The following BCAS3 variants were observed in gnomAD, a reference collection of about 807,000 sequenced individuals.
BCAS3 encodes the protein BCAS4/BCAS3 fusion.
BCAS3 carries 53 observed loss-of-function variants against 116.1 expected under a neutral mutation model. That is an observed-to-expected ratio of 0.46 (90% CI 0.37 to 0.57). The LOEUF (loss-of-function observed/expected upper bound fraction) is 0.57, where lower values mean the gene tolerates loss of function less well. Ranked by LOEUF, BCAS3 falls within the 20% of genes least tolerant of loss-of-function variation. The pLI is 0.00. For synonymous variants in BCAS3, 391 were observed against 408.2 expected (o/e 0.96, Z 0.51); for missense variants, 917 against 1,165.4 (o/e 0.79, Z 3.10).
At position 61,327,356 on chromosome 17, in the gene BCAS3, G is replaced by C. The variant is rs1296371589; in HGVS notation, c.2426-40971G>C. ...ACAAACGTTTAAAAAATCAATTTTAGAGGCAATTGGACTACAGAGTCAAGG... is the reference window on the plus strand; with the variant it reads ...ACAAACGTTTAAAAAATCAATTTTACAGGCAATTGGACTACAGAGTCAAGG... On this transcript the variant is annotated intron_variant, in intron 22 of 23. Transcript: ENST00000407086. This position sits in a 1 kb window ranked among gnomAD's most constrained non-coding sequence, Gnocchi z 5.9. Among the ~76,000 whole-genome samples the C allele has an allele frequency of 1.3e-5, 2 of 152,108 alleles. No individual in the cohort carries two copies. The highest frequency in any genetic ancestry group is 2.9e-5 in the Non-Finnish European group (2 of 68,022).
chr17:60,725,941 C>G (rs2039789233), intron 5 of BCAS3, among the ~76,000 whole-genome samples: 1 of 151,928 alleles, frequency 6.6e-6, no homozygotes, highest in African/African-American at 2.4e-5. Flanking sequence ...TGTTGCCCAG[C>G]CTGGAGTGCA....
At position 61,104,374 on chromosome 17, in the gene BCAS3, A is replaced by G. The variant is rs537305898; in HGVS notation, c.2425+19810A>G. Among the ~76,000 whole-genome samples the G allele has an allele frequency of 3.9e-5, 6 of 152,326 alleles. No individual in the cohort carries two copies. The East Asian group carries it at 1.2e-3, about 29-fold the overall frequency. On this transcript the variant is annotated intron_variant, in intron 22 of 23. Transcript: ENST00000407086. The surrounding 1 kb of genome is among the most constrained non-coding windows in gnomAD (Gnocchi z 4.1). ...TTTTCATATAACTTTTTCATCTTGT[A>G]TAACTGAATAAAGAAAATTTTTTAT... is the stretch of plus-strand genomic sequence containing the variant.
intron 13 of BCAS3, among the ~76,000 whole-genome samples, chr17:60,936,186 A>G (rs1567909292): frequency 2.0e-5 from 3 of 151,182 alleles, no homozygotes; most frequent in Admixed American, 6.6e-5. Flanking sequence ...AAGGACATGA[A>G]CTCATCCTTT....
chr17:61,238,052 T>C (rs2083201105), intron 22 of BCAS3, among the ~76,000 whole-genome samples: 1 of 152,078 alleles, frequency 6.6e-6, no homozygotes, highest in African/African-American at 2.4e-5. Context: ...AAGAGTTTTG[T>C]TTTTGTTTTT....
At position 61,391,893 on chromosome 17, in the gene BCAS3, C is replaced by T. The variant is rs2143699205; in HGVS notation, c.2594-84C>T. The T allele has an allele frequency of 6.7e-7, 1 of 1,484,940 alleles. No individual in the cohort carries two copies. The highest frequency in any genetic ancestry group is 2.3e-5 in the East Asian group (1 of 43,502). 92.0% of individuals were successfully genotyped at this position (1,484,940 alleles called of 1,614,324 possible). ...CACAAGTGAACCCAGAATGGTGCCT[C>T]AAGGCAGGCAGCCTGGCCCAGATGG... On this transcript the variant is annotated intron_variant, in intron 23 of 23. Coordinates refer to ENST00000407086, the MANE Select transcript of BCAS3 (RefSeq NM_017679.5). The surrounding 1 kb of genome is among the most constrained non-coding windows in gnomAD (Gnocchi z 7.7).
At chr17:60,902,869 C>T (rs2057986676) in intron 11 of BCAS3, among the ~76,000 whole-genome samples, 166 bp downstream of exon 11, 1 of 152,116 alleles carries the variant, frequency 6.6e-6, no homozygotes, top group Non-Finnish European at 1.5e-5. Context: ...TAATTAATAC[C>T]ACATTTGGAA....
At position 61,368,445 on chromosome 17, in the gene BCAS3, C is replaced by T. The variant is rs564865113; in HGVS notation, c.2544C>T (p.Ala848=). 46 of 1,612,194 alleles carry T rather than the reference C, an allele frequency of 2.9e-5. No homozygotes were observed. The highest frequency in any genetic ancestry group is 3.3e-4 in the Middle Eastern group (2 of 6,054). The change falls in exon 23 of 24, where the codon GCC becomes GCT. Residue 848 remains alanine, a synonymous_variant. Transcript: ENST00000407086. The surrounding 1 kb of genome is among the most constrained non-coding windows in gnomAD (Gnocchi z 6.0). Reference sequence around the variant, plus strand: ...AGGAGGGCCTCCGGGAGCGACTTGCCGACGCCATGGCCGAGTCACCTAGCC... The same window carrying T: ...AGGAGGGCCTCCGGGAGCGACTTGCTGACGCCATGGCCGAGTCACCTAGCC... ...HTEEGLRERL[A]DAMAESPSRD... is the part of the protein sequence containing the mutation.
chr17:61,115,234 A>G (rs1271066374), intron 22 of BCAS3, among the ~76,000 whole-genome samples: 1 of 152,238 alleles, frequency 6.6e-6, no homozygotes, highest in Non-Finnish European at 1.5e-5. Flanking sequence ...GACAAAATTG[A>G]CAAATGGAAT....
At chr17:60,936,375 G>A (rs190870295) in intron 13 of BCAS3, among the ~76,000 whole-genome samples, 45 of 152,092 alleles carry the variant, frequency 3.0e-4, no homozygotes, top group Admixed American at 2.1e-3. Flanking sequence ...TATATACCTA[G>A]TAATGGGATT....
chr17:61,375,218 TTGTGTGTGTGTGTGTGTG>T (rs59961930), intron 23 of BCAS3, among the ~76,000 whole-genome samples: 7 of 142,680 alleles, frequency 4.9e-5, no homozygotes, highest in Admixed American at 1.4e-4. Flanking sequence ...AAAGCACTAT[TTGTGTGTGTGTGTGTGTG>T]TGTGTGTGTG....
At chr17:60,734,295 A>G (rs2040754170) in intron 5 of BCAS3, among the ~76,000 whole-genome samples, 1 of 152,038 alleles carries the variant, frequency 6.6e-6, no homozygotes, top group South Asian at 2.1e-4. Context: ...ACACCCAGTT[A>G]ATTTTTAGAT....
intron 22 of BCAS3, among the ~76,000 whole-genome samples, chr17:61,271,000 G>A (rs1602320952): frequency 6.6e-6 from 1 of 151,502 alleles, no homozygotes; most frequent in African/African-American, 2.4e-5. Context: ...CTCGTGATCC[G>A]CCTGCCTCAG....
In BCAS3 at chr17:61,065,243, T is replaced by A. The variant is rs1452850256; in HGVS notation, c.2030-9677T>A. 6.6e-6 allele frequency among the ~76,000 whole-genome samples: 1 copy of A among 152,222 alleles called. No individual in the cohort carries two copies. The highest frequency in any genetic ancestry group is 1.5e-5 in the Non-Finnish European group (1 of 68,028). The stretch of plus-strand genomic sequence containing the variant: ...TTGCTTGTTCATTGGGAACTGCCTT[T>A]GTTCATTTTGCTTTTGGATTATTTG... On this transcript the variant is annotated intron_variant, in intron 19 of 23. Transcript: ENST00000407086. This position sits in a 1 kb window ranked among gnomAD's most constrained non-coding sequence, Gnocchi z 4.8.
chr17:61,039,254 A>G (rs1223081437), intron 18 of BCAS3, among the ~76,000 whole-genome samples: 1 of 152,176 alleles, frequency 6.6e-6, no homozygotes, highest in African/African-American at 2.4e-5. Flanking sequence ...AGATCTATCC[A>G]TGTTGTAGCG....
intron 6 of BCAS3, among the ~76,000 whole-genome samples, chr17:60,767,670 T>C (rs9906672): frequency 0.26 from 39,929 of 151,884 alleles, 11,059 homozygotes; most frequent in African/African-American, 0.71. Flanking sequence ...TATTGGACTC[T>C]GTTGCTGGAA....
chr17:60,983,204 C>A (rs1467728473), intron 14 of BCAS3, among the ~76,000 whole-genome samples: 1 of 152,000 alleles, frequency 6.6e-6, no homozygotes, highest in East Asian at 1.9e-4. Context: ...ATCAGTAATG[C>A]GACTCGACTC....
chr17:61,301,784 G>A (rs2053464252), intron 22 of BCAS3, among the ~76,000 whole-genome samples: 1 of 151,944 alleles, frequency 6.6e-6, no homozygotes, highest in Admixed American at 6.6e-5. Flanking sequence ...CAAATTCATG[G>A]ACCACCTGAA....
Position 61,056,114 on chromosome 17 carries a change from C to T in BCAS3, c.2029+15222C>T, listed in dbSNP as rs536493633. On this transcript the variant is annotated intron_variant, in intron 19 of 23. Coordinates refer to ENST00000407086, the MANE Select transcript of BCAS3 (RefSeq NM_017679.5). The surrounding 1 kb of genome is among the most constrained non-coding windows in gnomAD (Gnocchi z 4.9). ...TTTCTTTCGTGGTATAAATGTGGAC[C>T]ACCTGCCAGAAAGCTTTGCGTATGT... is the stretch of plus-strand genomic sequence containing the variant. Among the ~76,000 whole-genome samples, 8 of 152,260 alleles carry T rather than the reference C, an allele frequency of 5.3e-5. No individual in the cohort carries two copies. The highest frequency in any genetic ancestry group is 1.0e-4 in the Non-Finnish European group (7 of 68,018).
At chr17:60,849,572 A>G (rs1352386469) in intron 7 of BCAS3, among the ~76,000 whole-genome samples, 1 of 151,996 alleles carries the variant, frequency 6.6e-6, no homozygotes, top group African/African-American at 2.4e-5. Context: ...TTATAAAGAG[A>G]TTTTCTCTCA....
Sources: gnomAD v4.1 joint callset for allele counts (sites outside exome capture counted in the v4.1 genomes callset) on GRCh38, gnomAD v4.1.1 for gene constraint, Gnocchi (gnomAD v3.1) non-coding constraint, MANE v1.5 for transcripts, NCBI Gene and HGNC (gene_info 2026-07-23, HGNC 2026-07-21) for gene names.